The following PCDHA3 variants were observed in gnomAD, a reference collection of about 807,000 sequenced individuals.
PCDHA3 encodes the protein protocadherin alpha 3.
In PCDHA3, 41 loss-of-function variants were observed where a neutral mutation model predicts 62.2. The observed-to-expected ratio is 0.66, with a 90% confidence interval of 0.51 to 0.86. The LOEUF (loss-of-function observed/expected upper bound fraction) is 0.86. Ranked by LOEUF, PCDHA3 falls within the 40% of genes least tolerant of loss-of-function variation. The pLI, the probability that PCDHA3 is intolerant of heterozygous loss-of-function variation, is 0.00. For synonymous variants in PCDHA3, 640 were observed against 555.4 expected, an observed-to-expected ratio of 1.15 and a Z score of -2.14; for missense variants, 1,304 against 1,241.2, an observed-to-expected ratio of 1.05 and a Z score of -0.76.
At position 140,803,364 on chromosome 5, in the gene PCDHA3, T is replaced by C; in HGVS notation, c.2167T>C (p.Cys723Arg). 3 of 1,614,186 alleles carry C rather than the reference T, an allele frequency of 1.9e-6. No individual in the cohort carries two copies. In the South Asian group the frequency reaches 3.3e-5, roughly 18 times the overall value. The change falls in exon 1 of 4, where the codon TGC becomes CGC. Residue 723 changes from cysteine (C) to arginine (R), a missense_variant. Cys to Arg is a radical substitution (Grantham distance 180). Coordinates refer to ENST00000522353, the MANE Select transcript of PCDHA3 (RefSeq NM_018906.3). The stretch of plus-strand genomic sequence containing the variant: ...ACTGCTGCTATATACTGCTCTGCGG[T>C]GCTCCGCGCCGCCAACCGAAGGCGA... ...LTLLLYTALR[C>R]SAPPTEGDCG...
At chr5:140,811,116 A>T (rs1764795251) in intron 1 of PCDHA3, 1 of 152,148 alleles carries the variant, frequency 6.6e-6, no homozygotes, top group Non-Finnish European at 1.5e-5. Flanking sequence ...CCATCAACTC[A>T]TCATTTACAT....
At chr5:140,880,010 A>G (rs958851507) in intron 1 of PCDHA3, among the ~76,000 whole-genome samples, 1 of 152,232 alleles carries the variant, frequency 6.6e-6, no homozygotes, top group African/African-American at 2.4e-5. Flanking sequence ...TATTCACCAT[A>G]TAAAGTAAAA....
intron 1 of PCDHA3, chr5:140,870,674 A>G (rs893862947): frequency 7.4e-6 from 12 of 1,612,566 alleles, no homozygotes; most frequent in Admixed American, 6.7e-5. Flanking sequence ...CCGTTGGACC[A>G]CGAGGAGCTG....
At chr5:140,870,777 C>G in intron 1 of PCDHA3, 3 of 1,613,612 alleles carry the variant, frequency 1.9e-6, no homozygotes, top group East Asian at 4.5e-5. Context: ...TGGACGAGAA[C>G]GACAACGCGC....
At chr5:140,966,125 C>T (rs1443798693) in intron 1 of PCDHA3, 1 of 159,140 alleles carries the variant, frequency 6.3e-6, no homozygotes, top group African/African-American at 2.4e-5. Context: ...TTAGCTAAGG[C>T]CCCTCAGTTT....
intron 1 of PCDHA3, among the ~76,000 whole-genome samples, chr5:140,915,296 A>G (rs556254508): frequency 6.6e-6 from 1 of 152,086 alleles, no homozygotes; most frequent in East Asian, 1.9e-4. Flanking sequence ...TCTACTTAAG[A>G]TAAGTTTACA....
chr5:140,825,268 G>A (rs1348823121), intron 1 of PCDHA3: 1 of 149,918 alleles, frequency 6.7e-6, no homozygotes, highest in Non-Finnish European at 1.5e-5. Context: ...GTATGTGATT[G>A]GTTATTTTTC....
chr5:141,008,607 C>T (rs782227320), intron 3 of PCDHA3, among the ~76,000 whole-genome samples: 33 of 152,196 alleles, frequency 2.2e-4, no homozygotes, highest in Non-Finnish European at 3.8e-4. Flanking sequence ...CCTCTGGAAC[C>T]CCATTAACTT....
intron 1 of PCDHA3, chr5:140,825,971 A>G (rs1768773443): frequency 1.3e-5 from 2 of 152,276 alleles, no homozygotes; most frequent in South Asian, 4.1e-4. Flanking sequence ...TTTTGAGGGG[A>G]AAAGTATGGA....
intron 1 of PCDHA3, among the ~76,000 whole-genome samples, chr5:140,919,229 C>T (rs1163633473): frequency 1.1e-4 from 17 of 152,144 alleles, no homozygotes; most frequent in African/African-American, 3.9e-4. Flanking sequence ...TTTCTAGTAA[C>T]ACTTTTTGTC....
At chr5:141,008,809 C>T (rs1397377778) in intron 3 of PCDHA3, among the ~76,000 whole-genome samples, 2 of 152,160 alleles carry the variant, frequency 1.3e-5, no homozygotes, top group African/African-American at 4.8e-5. Flanking sequence ...CAAATAGGCT[C>T]AATTTACAAC....
intron 1 of PCDHA3, chr5:140,863,573 C>T (rs2048075555): frequency 5.4e-6 from 2 of 367,848 alleles, no homozygotes; most frequent in South Asian, 4.3e-5. Flanking sequence ...AATATAAGTA[C>T]TGTAATCCTG....
chr5:140,839,524 G>A (rs1776264287), intron 1 of PCDHA3, among the ~76,000 whole-genome samples: 1 of 151,794 alleles, frequency 6.6e-6, no homozygotes, highest in Non-Finnish European at 1.5e-5. Context: ...CAAGTTGCTG[G>A]GACTATAGGC....
chr5:140,935,405 A>G (rs1554210493), intron 1 of PCDHA3, among the ~76,000 whole-genome samples: 1 of 152,248 alleles, frequency 6.6e-6, no homozygotes, highest in Non-Finnish European at 1.5e-5. Context: ...GGACTCAAAC[A>G]ATGGACTTAG....
In PCDHA3 at chr5:140,851,814, C is replaced by G. The variant is rs1363595383; in HGVS notation, c.2394+48223C>G. On this transcript the variant is annotated intron_variant, in intron 1 of 3. Coordinates refer to ENST00000522353, the MANE Select transcript of PCDHA3 (RefSeq NM_018906.3). The stretch of plus-strand genomic sequence containing the variant: ...CTTGTTCTGTCAGTAATCCATAAGA[C>G]AGAAATCTGTTTTTTTAAAAATATC... 6 of 954,454 alleles carry G rather than the reference C, an allele frequency of 6.3e-6. 1 individual carries two copies. In the African/African-American group the frequency reaches 1.1e-4, roughly 17 times the overall value. 59.1% of individuals were successfully genotyped at this position (954,454 alleles called of 1,614,324 possible). A position where few individuals can be genotyped will look rare whatever the true frequency, so the allele number is the denominator to read the frequency against.
chr5:140,856,236 TC>T (rs1554148438), intron 1 of PCDHA3: 2 of 1,597,912 alleles, frequency 1.3e-6, no homozygotes, highest in East Asian at 2.2e-5. Context: ...CAGCGCCTGT[TC>T]CGGGTGGCGT....
At chr5:140,988,761 A>G (rs1320753301) in intron 3 of PCDHA3, among the ~76,000 whole-genome samples, 1 of 152,218 alleles carries the variant, frequency 6.6e-6, no homozygotes, top group Non-Finnish European at 1.5e-5. Context: ...TGGGCAGAAT[A>G]CAGTCATGGT....
chr5:140,862,826 G>A lies in PCDHA3; in HGVS notation c.2394+59235G>A, dbSNP rs112986835. ...CTGCTGCAGTTCTAGGTGAGAGCGCGCGACGCGGGCATGCCGCCTCTGAGC... is the reference window on the plus strand; with the variant it reads ...CTGCTGCAGTTCTAGGTGAGAGCGCACGACGCGGGCATGCCGCCTCTGAGC... On this transcript the variant is annotated intron_variant, in intron 1 of 3. Coordinates refer to ENST00000522353, the MANE Select transcript of PCDHA3 (RefSeq NM_018906.3). The A allele has an allele frequency of 1.9e-3, 1,106 of 575,060 alleles. 11 individuals carry two copies. Among genetic ancestry groups the A allele is most frequent in the African/African-American group, 0.019 (990 of 53,212 alleles). The allele number at this position is 575,060 out of a possible 1,614,324, so 35.6% of individuals were successfully genotyped here.
chr5:140,927,416 C>T (rs782053183), intron 1 of PCDHA3: 6 of 1,613,980 alleles, frequency 3.7e-6, no homozygotes, highest in Admixed American at 3.3e-5. Context: ...GACATGGGAT[C>T]GCGGGTTGAC....
Sources: gnomAD v4.1 joint callset for allele counts (sites outside exome capture counted in the v4.1 genomes callset) on GRCh38, gnomAD v4.1.1 for gene constraint, MANE v1.5 for transcripts, NCBI Gene and HGNC (gene_info 2026-07-23, HGNC 2026-07-21) for gene names.